Variants in TNR observed in about 807,000 individuals in gnomAD.
TNR encodes tenascin R.
A neutral mutation model predicts 150.4 loss-of-function variants in TNR; 45 were observed. That is an observed-to-expected ratio of 0.30 (90% CI 0.24 to 0.38). The LOEUF (loss-of-function observed/expected upper bound fraction) is 0.38, where lower values mean the gene tolerates loss of function less well. Among genes scored for constraint, TNR ranks in the 10% least tolerant of loss-of-function variants. The probability of loss-of-function intolerance (pLI) is 1.00; values close to 1 mark genes in which losing one functional copy is unlikely to be tolerated. For synonymous variants in TNR, 687 were observed against 678.4 expected, an observed-to-expected ratio of 1.01 and a Z score of -0.20; for missense variants, 1,544 against 1,759.1, an observed-to-expected ratio of 0.88 and a Z score of 2.19.
At chr1:175,735,874 C>T (rs912937068) in intron 1 of TNR, among the ~76,000 whole-genome samples, 1 of 152,070 alleles carries the variant, frequency 6.6e-6, no homozygotes, top group East Asian at 1.9e-4. Context: ...CAGTCTAGTA[C>T]AATTTCAAGG....
intron 2 of TNR, among the ~76,000 whole-genome samples, chr1:175,433,978 AT>A (rs1362865067): frequency 6.6e-6 from 1 of 152,090 alleles, no homozygotes; most frequent in Non-Finnish European, 1.5e-5. Context: ...TCCTCAATGC[AT>A]TATTTTTTGG....
In TNR at chr1:175,354,390, C is replaced by T; in HGVS notation, c.3382+1G>A. ...GCATCAAAGTGGCCATGCTCCCTCA[C>T]CTGTGGTGAAAGCGGTGGAGGTGAT... is the stretch of plus-strand genomic sequence containing the variant. On this transcript the variant is annotated splice_donor_variant, in intron 18 of 22. Transcript: ENST00000367674. LOFTEE classifies it high-confidence loss of function. The T allele has an allele frequency of 6.2e-7, 1 of 1,613,840 alleles. No homozygotes were observed. The highest frequency in any genetic ancestry group is 2.2e-5 in the East Asian group (1 of 44,836).
intron 1 of TNR, among the ~76,000 whole-genome samples, chr1:175,684,988 C>A (rs944055231): frequency 1.3e-5 from 2 of 152,210 alleles, no homozygotes; most frequent in African/African-American, 4.8e-5. Context: ...CCCTTCCTTT[C>A]TGGCTTTTCC....
chr1:175,742,641 A>G (rs1026423343), intron 1 of TNR, among the ~76,000 whole-genome samples: 2 of 152,162 alleles, frequency 1.3e-5, no homozygotes, highest in African/African-American at 2.4e-5. Flanking sequence ...GGTTCACACC[A>G]GAAGAGAAAG....
chr1:175,378,728 C>T (rs770399606), intron 9 of TNR, among the ~76,000 whole-genome samples: 1 of 152,164 alleles, frequency 6.6e-6, no homozygotes, highest in South Asian at 2.1e-4. Flanking sequence ...GCCCAGAAAA[C>T]ATCAGGGAAC....
intron 2 of TNR, among the ~76,000 whole-genome samples, chr1:175,506,402 T>A (rs1457023465): frequency 2.0e-5 from 3 of 152,196 alleles, no homozygotes; most frequent in Non-Finnish European, 4.4e-5. Context: ...TCCCCCCAGA[T>A]TCATATGTTG....
At chr1:175,462,860 G>A (rs757446648) in intron 2 of TNR, among the ~76,000 whole-genome samples, 1 of 152,210 alleles carries the variant, frequency 6.6e-6, no homozygotes, top group Non-Finnish European at 1.5e-5. Flanking sequence ...ATGGTTGAAA[G>A]GGCTATAAGG....
intron 2 of TNR, among the ~76,000 whole-genome samples, chr1:175,425,209 G>A (rs576690961): frequency 1.1e-4 from 16 of 152,292 alleles, no homozygotes; most frequent in Admixed American, 7.8e-4. Context: ...TAGGGTCAGA[G>A]CCAGAAGGAG....
At chr1:175,593,184 G>A (rs1380191484) in intron 1 of TNR, among the ~76,000 whole-genome samples, 1 of 152,126 alleles carries the variant, frequency 6.6e-6, no homozygotes, top group South Asian at 2.1e-4. Flanking sequence ...TCATCTCGAA[G>A]TGTACTTGCA....
intron 1 of TNR, among the ~76,000 whole-genome samples, chr1:175,691,990 T>A (rs1029943836): frequency 6.6e-6 from 1 of 152,196 alleles, no homozygotes; most frequent in African/African-American, 2.4e-5. Context: ...TTATTTCATA[T>A]ATAATTAATT....
intron 18 of TNR, among the ~76,000 whole-genome samples, chr1:175,349,628 G>A (rs1038242496): frequency 6.6e-6 from 1 of 152,194 alleles, no homozygotes; most frequent in Non-Finnish European, 1.5e-5. Context: ...CCTATGGAAG[G>A]TGGAAGAAGA....
At chr1:175,643,137 G>A (rs1664715931) in intron 1 of TNR, among the ~76,000 whole-genome samples, 1 of 150,796 alleles carries the variant, frequency 6.6e-6, no homozygotes, top group African/African-American at 2.5e-5. Context: ...TGCACTGAGG[G>A]AACCCAGAAG....
chr1:175,596,783 A>G (rs1472466871), intron 1 of TNR, among the ~76,000 whole-genome samples: 1 of 152,204 alleles, frequency 6.6e-6, no homozygotes, highest in East Asian at 1.9e-4. Flanking sequence ...GCTAAATTTG[A>G]AGTCATAAAG....
intron 18 of TNR, among the ~76,000 whole-genome samples, chr1:175,343,618 T>C (rs937090569): frequency 3.3e-5 from 5 of 152,326 alleles, no homozygotes; most frequent in South Asian, 2.1e-4. Flanking sequence ...GTAAGTTCCA[T>C]GACAGTATAA....
At chr1:175,520,735 C>T (rs1557983757) in intron 2 of TNR, among the ~76,000 whole-genome samples, 1 of 151,938 alleles carries the variant, frequency 6.6e-6, no homozygotes, top group Non-Finnish European at 1.5e-5. Context: ...TATTTTCTCC[C>T]CTTCTTCTCC....
chr1:175,607,848 A>C (rs904358319), intron 1 of TNR, among the ~76,000 whole-genome samples: 1 of 152,230 alleles, frequency 6.6e-6, no homozygotes, highest in Non-Finnish European at 1.5e-5. Context: ...AGATGTACTA[A>C]CTATTTCATG....
intron 2 of TNR, among the ~76,000 whole-genome samples, chr1:175,485,010 A>C (rs977709976): frequency 2.0e-5 from 3 of 152,222 alleles, no homozygotes; most frequent in Non-Finnish European, 2.9e-5. Context: ...CACTCATAAA[A>C]CTAAGAAAAC....
rs564911527 is a variant in TNR at position 175,736,348 on chromosome 1, C to T, written c.-165+6878G>A. Among the ~76,000 whole-genome samples, 12 of 152,208 alleles carry T rather than the reference C, an allele frequency of 7.9e-5. 1 individual carries two copies. Among genetic ancestry groups the T allele is most frequent in the African/African-American group, 2.9e-4 (12 of 41,542 alleles). ...CATCCTGGCTAACATGGTGAAACCT[C>T]ATCTCTACTAAAAATACAAAAAATT... On this transcript the variant is annotated intron_variant, in intron 1 of 22. Coordinates refer to ENST00000367674, the MANE Select transcript of TNR (RefSeq NM_003285.3).
intron 1 of TNR, among the ~76,000 whole-genome samples, chr1:175,630,824 A>G (rs924461640): frequency 1.3e-5 from 2 of 151,888 alleles, no homozygotes; most frequent in Non-Finnish European, 2.9e-5. Flanking sequence ...GCAAAAAAAA[A>G]GGAAGCCGGA....
Sources: allele counts gnomAD v4.1 joint callset (sites outside exome capture counted in the v4.1 genomes callset), GRCh38; gene constraint gnomAD v4.1.1; transcripts MANE v1.5; gene names NCBI Gene and HGNC (gene_info 2026-07-23, HGNC 2026-07-21).